FGF10: variants seen among roughly 807,000 people sequenced by gnomAD.
FGF10 encodes the protein fibroblast growth factor 10.
In FGF10, 2 loss-of-function variants were observed where a neutral mutation model predicts 19.8. That is an observed-to-expected ratio of 0.10 (90% CI 0.04 to 0.32). The LOEUF (loss-of-function observed/expected upper bound fraction) is 0.32, where lower values mean the gene tolerates loss of function less well. FGF10 is among the 10% of genes least tolerant of loss of function. The pLI, the probability that FGF10 is intolerant of heterozygous loss-of-function variation, is 1.00. For missense variants in FGF10, 191 were observed against 246.3 expected, an observed-to-expected ratio of 0.78 and a Z score of 1.50; for synonymous variants, 112 against 94.0, an observed-to-expected ratio of 1.19 and a Z score of -1.10.
chr5:44,341,641 C>A (rs1561207568), intron 1 of FGF10, among the ~76,000 whole-genome samples: 1 of 151,846 alleles, frequency 6.6e-6, no homozygotes, highest in Non-Finnish European at 1.5e-5. Context: ...ATTTAACACC[C>A]ATTATCTGAA....
intron 1 of FGF10, among the ~76,000 whole-genome samples, chr5:44,350,254 T>C (rs1741201514): frequency 6.6e-6 from 1 of 150,924 alleles, no homozygotes; most frequent in South Asian, 2.1e-4. Context: ...AATATAAGAA[T>C]CTTAAACTAA....
intron 2 of FGF10, 25 bp from the exon 3 acceptor site, chr5:44,305,217 T>C (rs1450203581): frequency 6.3e-7 from 1 of 1,597,616 alleles, no homozygotes; most frequent in African/African-American, 1.3e-5. Flanking sequence ...CAGAATCTTT[T>C]ATTCCTATGG....
intron 1 of FGF10, among the ~76,000 whole-genome samples, chr5:44,367,402 G>C (rs1393899407): frequency 6.6e-6 from 1 of 152,028 alleles, no homozygotes; most frequent in African/African-American, 2.4e-5. Context: ...AGTTTAATTT[G>C]CTGATGTAGC....
intron 1 of FGF10, among the ~76,000 whole-genome samples, chr5:44,374,389 G>T (rs114670504): frequency 3.3e-5 from 5 of 152,058 alleles, no homozygotes; most frequent in African/African-American, 9.7e-5. Context: ...ACATTCACAG[G>T]TTCCAGGATT....
intron 1 of FGF10, among the ~76,000 whole-genome samples, chr5:44,321,489 A>C (rs1263169740): frequency 6.6e-6 from 1 of 152,182 alleles, no homozygotes; most frequent in East Asian, 1.9e-4. Flanking sequence ...AAGAAAACTG[A>C]ATTGGTCATT....
intron 1 of FGF10, among the ~76,000 whole-genome samples, chr5:44,359,379 T>C (rs769908175): frequency 2.0e-5 from 3 of 151,494 alleles, no homozygotes; most frequent in Non-Finnish European, 4.4e-5. Flanking sequence ...AATTCTTAAT[T>C]ACTCTTCCTG....
intron 1 of FGF10, among the ~76,000 whole-genome samples, chr5:44,349,447 T>TATATATATATATATATATATCAGA (rs1741175052): frequency 6.5e-5 from 1 of 15,454 alleles, no homozygotes; most frequent in Non-Finnish European, 1.6e-4. Flanking sequence ...TATATATATA[T>TATATATATATATATATATATCAGA]ATATATATAT....
chr5:44,348,688 G>A (rs550831044), intron 1 of FGF10, among the ~76,000 whole-genome samples: 362 of 151,402 alleles, frequency 2.4e-3, no homozygotes, highest in Admixed American at 3.4e-3. Context: ...TTTATTTTAA[G>A]TGTATTTATA....
Position 44,325,863 on chromosome 5 carries a change from A to C in FGF10, c.326-15333T>G, listed in dbSNP as rs566358335. ...TTGTGCACATGTACCCTAAAACTTA[A>C]AGTATAATACAAAATTTTAAAAAAA... is the stretch of plus-strand genomic sequence containing the variant. On this transcript the variant is annotated intron_variant, in intron 1 of 2. Coordinates refer to ENST00000264664, the MANE Select transcript of FGF10 (RefSeq NM_004465.2). Among the ~76,000 whole-genome samples the C allele has an allele frequency of 1.3e-4, 18 of 142,900 alleles. No individual in the cohort carries two copies. The South Asian group carries it at 3.8e-3, about 30-fold the overall frequency. 93.7% of individuals were successfully genotyped at this position (142,900 alleles called of 152,430 possible).
At chr5:44,329,722 T>A (rs755416813) in intron 1 of FGF10, among the ~76,000 whole-genome samples, 5 of 152,172 alleles carry the variant, frequency 3.3e-5, no homozygotes, top group Non-Finnish European at 5.9e-5. Context: ...TACCATCTGG[T>A]CTCCAACACA....
chr5:44,342,799 T>C (rs909270673), intron 1 of FGF10, among the ~76,000 whole-genome samples: 1 of 152,042 alleles, frequency 6.6e-6, no homozygotes, highest in Non-Finnish European at 1.5e-5. Flanking sequence ...TCAGTCTCTC[T>C]GTTTTACATG....
At position 44,388,635 on chromosome 5, in the gene FGF10, C is replaced by T. The variant is rs766097540; in HGVS notation, c.48G>A (p.Leu16=). 2 of 1,613,848 alleles carry T rather than the reference C, an allele frequency of 1.2e-6. No homozygotes were observed. The highest frequency in any genetic ancestry group is 4.5e-5 in the East Asian group (2 of 44,840). Residue 16 remains leucine (L), a synonymous_variant, in exon 1 of 3, where the codon CTG becomes CTA. Coordinates refer to ENST00000264664, the MANE Select transcript of FGF10 (RefSeq NM_004465.2). ...LTHCASAFPH[L]PGCCCCCFLL... Reference sequence around the variant, plus strand: ...AAAAGCAGCAGCAGCAGCAGCCGGGCAGGTGGGGAAAGGCTGAGGCACAAT... The same window carrying T: ...AAAAGCAGCAGCAGCAGCAGCCGGGTAGGTGGGGAAAGGCTGAGGCACAAT...
intron 1 of FGF10, among the ~76,000 whole-genome samples, chr5:44,366,509 A>C (rs1378638170): frequency 6.6e-6 from 1 of 151,980 alleles, no homozygotes; most frequent in East Asian, 1.9e-4. Flanking sequence ...TAAGGGACTA[A>C]GCTGGGGCAG....
chr5:44,301,398 G>A lies in FGF10; in HGVS notation c.*3597C>T, dbSNP rs1739961266. Among the ~76,000 whole-genome samples the A allele has an allele frequency of 6.6e-6, 1 of 152,148 alleles. No homozygotes were observed. The highest frequency in any genetic ancestry group is 1.5e-5 in the Non-Finnish European group (1 of 68,010). On this transcript the variant is annotated 3_prime_UTR_variant, in exon 3 of 3. Transcript: ENST00000264664. ...ATTATTAGAACTGTGCAGCATTAAT[G>A]CTGATCTATGTAAATTGGGTTCATA... is the stretch of plus-strand genomic sequence containing the variant.
chr5:44,330,439 T>C lies in FGF10; in HGVS notation c.326-19909A>G, dbSNP rs374133018. On this transcript the variant is annotated intron_variant, in intron 1 of 2. Coordinates refer to ENST00000264664, the MANE Select transcript of FGF10 (RefSeq NM_004465.2). The stretch of plus-strand genomic sequence containing the variant: ...GGGAAATATTCAGTTTAAGATCAGA[T>C]CCAAGCCTTTTGGCATTAACTACCT... Among the ~76,000 whole-genome samples the C allele has an allele frequency of 1.0e-3, 156 of 152,308 alleles. 3 individuals are homozygous for C. Among genetic ancestry groups the C allele is most frequent in the African/African-American group, 3.6e-3 (148 of 41,580 alleles).
At chr5:44,366,858 TA>T (rs1442712058) in intron 1 of FGF10, among the ~76,000 whole-genome samples, 1 of 152,054 alleles carries the variant, frequency 6.6e-6, no homozygotes, top group African/African-American at 2.4e-5. Context: ...ATACTTTCTT[TA>T]ATAAAGATAA....
At chr5:44,380,910 G>T (rs1031737523) in intron 1 of FGF10, among the ~76,000 whole-genome samples, 10 of 151,614 alleles carry the variant, frequency 6.6e-5, no homozygotes, top group Admixed American at 2.6e-4. Flanking sequence ...AGCCCAGCAG[G>T]TTGAGGCTAC....
rs78139768 is a variant in FGF10 at position 44,331,435 on chromosome 5, A to G, written c.326-20905T>C. ...TCCATTGATAATAAGAGAAAGAGGA[A>G]AAGGAAACTGGAAATGTGACTGTGC... On this transcript the variant is annotated intron_variant, in intron 1 of 2. Transcript: ENST00000264664. 3.5e-3 allele frequency among the ~76,000 whole-genome samples: 540 copies of G among 152,274 alleles called. 29 individuals carry two copies. The East Asian group carries it at 0.094, about 26-fold the overall frequency.
intron 1 of FGF10, among the ~76,000 whole-genome samples, chr5:44,346,916 G>C (rs545516872): frequency 1.3e-5 from 2 of 151,786 alleles, no homozygotes; most frequent in South Asian, 4.2e-4. Flanking sequence ...GAATAATGCA[G>C]TTCTAGCACA....
Sources: allele counts gnomAD v4.1 joint callset (sites outside exome capture counted in the v4.1 genomes callset), GRCh38; gene constraint gnomAD v4.1.1; transcripts MANE v1.5; gene names NCBI Gene and HGNC (gene_info 2026-07-23, HGNC 2026-07-21).